COL15A1: variants seen among roughly 807,000 people sequenced by gnomAD.
COL15A1 encodes collagen alpha-1(XV) chain.
COL15A1 carries 111 observed loss-of-function variants against 165.9 expected under a neutral mutation model. That is an observed-to-expected ratio of 0.67 (90% confidence interval 0.57 to 0.78). The LOEUF (loss-of-function observed/expected upper bound fraction) is 0.78. COL15A1 is among the 30% of genes least tolerant of loss of function. COL15A1 has a pLI of 0.00. For missense variants in COL15A1, 1,745 were observed against 1,789.7 expected (o/e 0.98, Z 0.45); for synonymous variants, 659 against 674.8 (o/e 0.98, Z 0.36).
In COL15A1 at chr9:99,055,277, A is replaced by T; in HGVS notation, c.3097A>T (p.Lys1033Ter). The change falls in exon 34 of 42, where the codon AAG (lysine) becomes TAG (stop). Residue 1033 changes from lysine to a stop codon, truncating the protein, a stop_gained. Transcript: ENST00000375001. LOFTEE classifies it high-confidence loss of function. ...LNNLKGENGD[K>*]GFKGEKGEKG... The stretch of plus-strand genomic sequence containing the variant: ...CTGCTTCCAGGGGGAGAATGGAGAC[A>T]AGGGGTTCAAAGGTGAAAAAGGAGA... 1 of 1,612,762 alleles carries T rather than the reference A, an allele frequency of 6.2e-7. No individual in the cohort carries two copies. The highest frequency in any genetic ancestry group is 8.5e-7 in the Non-Finnish European group (1 of 1,178,722).
chr9:99,059,860 T>G, intron 35 of COL15A1, 29 bp from the exon 36 acceptor site: 1 of 1,611,832 alleles, frequency 6.2e-7, no homozygotes, highest in Admixed American at 1.7e-5. Flanking sequence ...GTGGTTTTTG[T>G]GTAACTTCTC....
chr9:99,045,536 AACTT>A (rs1217547281), intron 26 of COL15A1, among the ~76,000 whole-genome samples: 1 of 152,180 alleles, frequency 6.6e-6, no homozygotes, highest in Non-Finnish European at 1.5e-5. Context: ...GCGAACCCTA[AACTT>A]ACTTCCCTGT....
intron 2 of COL15A1, among the ~76,000 whole-genome samples, chr9:98,948,123 C>T (rs1262878534): frequency 1.3e-5 from 2 of 152,174 alleles, no homozygotes; most frequent in Non-Finnish European, 2.9e-5. Context: ...TGTGCTGGCC[C>T]TCATGCTGGC....
At position 98,944,222 on chromosome 9, in the gene COL15A1, T is replaced by C. The variant is rs1444048591; in HGVS notation, c.72T>C (p.Pro24=). The C allele has an allele frequency of 1.9e-6, 3 of 1,613,984 alleles. No homozygotes were observed. The highest frequency in any genetic ancestry group is 2.5e-6 in the Non-Finnish European group (3 of 1,179,982). The change falls in exon 2 of 42, where the codon CCT becomes CCC. Residue 24 remains proline (P), a synonymous_variant. Transcript: ENST00000375001. ...LMLLSVSTPL[P]AVTQTRGATE... is the part of the protein sequence containing the mutation. ...TGCTCTCGGTCTCCACGCCCCTCCC[T>C]GCTGTCACCCAGACCCGCGGTGCGA...
chr9:99,058,165 C>T (rs1825755455), intron 35 of COL15A1, among the ~76,000 whole-genome samples: 1 of 152,210 alleles, frequency 6.6e-6, no homozygotes, highest in Non-Finnish European at 1.5e-5. Context: ...TTACTGACAA[C>T]TTACAGCTTC....
intron 9 of COL15A1, among the ~76,000 whole-genome samples, chr9:99,010,745 G>C (rs1838835852): frequency 6.6e-6 from 1 of 152,214 alleles, no homozygotes; most frequent in African/African-American, 2.4e-5. Flanking sequence ...TTCACAGAAA[G>C]TTATATGGAC....
At chr9:99,069,522 A>G (rs1428299136) in intron 41 of COL15A1, 151 bp from the exon 42 acceptor site, 1 of 993,500 alleles carries the variant, frequency 1.0e-6, no homozygotes, top group Non-Finnish European at 1.5e-6. Context: ...TGTGTTAAGA[A>G]AGCTAGCAAG....
chr9:99,023,491 T>A, intron 14 of COL15A1, 42 bp downstream of exon 14: 3 of 938,428 alleles, frequency 3.2e-6, no homozygotes, highest in Non-Finnish European at 3.5e-6. Flanking sequence ...TGGGACTGCC[T>A]TCAAAATAAC....
intron 4 of COL15A1, 28 bp from the exon 5 acceptor site, chr9:98,989,150 G>A (rs1217856793): frequency 1.3e-6 from 2 of 1,589,592 alleles, no homozygotes; most frequent in African/African-American, 1.3e-5. Context: ...GCTCTGCCCG[G>A]TGTGTGGCAC....
chr9:98,959,506 C>G (rs1837834051), intron 2 of COL15A1, among the ~76,000 whole-genome samples: 1 of 152,098 alleles, frequency 6.6e-6, no homozygotes, highest in South Asian at 2.1e-4. Flanking sequence ...CCAACACAGT[C>G]TCAAATGGAA....
chr9:99,024,543 C>T (rs183274622), intron 14 of COL15A1, among the ~76,000 whole-genome samples: 42 of 152,228 alleles, frequency 2.8e-4, no homozygotes, highest in African/African-American at 8.9e-4. Flanking sequence ...ACTGACCTCA[C>T]AGTTAATCAG....
At chr9:99,058,501 T>C (rs996144919) in intron 35 of COL15A1, among the ~76,000 whole-genome samples, 6 of 152,126 alleles carry the variant, frequency 3.9e-5, no homozygotes, top group Non-Finnish European at 5.9e-5. Flanking sequence ...GGAGGCATAT[T>C]ACAGGGTGAG....
Position 99,035,053 on chromosome 9 carries a change from A to G in COL15A1, c.2119A>G (p.Lys707Glu), listed in dbSNP as rs779775137. The G allele has an allele frequency of 1.2e-6, 2 of 1,606,230 alleles. No homozygotes were observed. Among genetic ancestry groups the G allele is most frequent in the Non-Finnish European group, 8.5e-7 (1 of 1,173,140 alleles). Reference sequence around the variant, plus strand: ...CAGAGGCTTACCTGGACCCCCGGGGAAAAAGGGACAAGCTGGCCCTCCTGG... The same window carrying G: ...CAGAGGCTTACCTGGACCCCCGGGGGAAAAGGGACAAGCTGGCCCTCCTGG... ...GNRGLPGPPG[K>E]KGQAGPPGVM... The change falls in exon 18 of 42, where the codon AAA becomes GAA. Residue 707 changes from lysine to glutamate, a missense_variant. Coordinates refer to ENST00000375001, the MANE Select transcript of COL15A1 (RefSeq NM_001855.5).
At chr9:99,009,758 A>G (rs940445150) in intron 9 of COL15A1, among the ~76,000 whole-genome samples, 2 of 152,232 alleles carry the variant, frequency 1.3e-5, no homozygotes, top group African/African-American at 4.8e-5. Flanking sequence ...CCTAATAAAA[A>G]CAACAGGAGG....
At chr9:99,024,304 G>A (rs1340259749) in intron 14 of COL15A1, among the ~76,000 whole-genome samples, 1 of 106,726 alleles carries the variant, frequency 9.4e-6, no homozygotes, top group African/African-American at 3.8e-5. Context: ...TTTTTGAGAT[G>A]GAGTCTTGCT....
chr9:99,068,264 G>A (rs942536090), intron 40 of COL15A1, among the ~76,000 whole-genome samples: 1 of 151,960 alleles, frequency 6.6e-6, no homozygotes, highest in Non-Finnish European at 1.5e-5. Context: ...TCAGGAGTTC[G>A]AGACCAGCCT....
intron 4 of COL15A1, among the ~76,000 whole-genome samples, 155 bp from the exon 5 acceptor site, chr9:98,989,023 G>GACACACACACACAC (rs67974914): frequency 2.1e-4 from 30 of 144,296 alleles, no homozygotes; most frequent in South Asian, 6.9e-4. Context: ...GTCTCTCATA[G>GACACACACACACAC]ACACACACAC....
chr9:99,019,349 C>G lies in COL15A1; in HGVS notation c.1648-1040C>G, dbSNP rs569710692. On this transcript the variant is annotated intron_variant, in intron 11 of 41. Coordinates refer to ENST00000375001, the MANE Select transcript of COL15A1 (RefSeq NM_001855.5). ...GCTGGGATTACAGACAGACATGTGC[C>G]GCTACTACCCGGCTAATTTTTTTGT... Among the ~76,000 whole-genome samples, 104 of 152,104 alleles carry G rather than the reference C, an allele frequency of 6.8e-4. 2 individuals carry two copies. The highest frequency in any genetic ancestry group is 1.1e-3 in the Non-Finnish European group (77 of 67,986).
chr9:99,054,902 A>T (rs1440520136), intron 32 of COL15A1, among the ~76,000 whole-genome samples, 200 bp from the exon 33 acceptor site: 1 of 152,178 alleles, frequency 6.6e-6, no homozygotes, highest in Non-Finnish European at 1.5e-5. Context: ...AAGGCCAGGG[A>T]CCTACCTGGG....
Sources: allele counts gnomAD v4.1 joint callset (sites outside exome capture counted in the v4.1 genomes callset), GRCh38; gene constraint gnomAD v4.1.1; transcripts MANE v1.5; gene names NCBI Gene and HGNC (gene_info 2026-07-23, HGNC 2026-07-21).